The following PRKCA variants were observed in gnomAD, a reference collection of about 807,000 sequenced individuals.
PRKCA encodes protein kinase C alpha type.
In PRKCA, 27 loss-of-function variants were observed where a neutral mutation model predicts 87.0. That is an observed-to-expected ratio of 0.31 (90% confidence interval 0.23 to 0.43). PRKCA has a LOEUF of 0.43. Among genes scored for constraint, PRKCA ranks in the 20% least tolerant of loss-of-function variants. The pLI is 1.00. For synonymous variants in PRKCA, 329 were observed against 311.1 expected (o/e 1.06, Z -0.61); for missense variants, 518 against 852.3 (o/e 0.61, Z 4.88).
At chr17:66,410,207 AT>A (rs34604742) in intron 2 of PRKCA, among the ~76,000 whole-genome samples, 59 of 149,124 alleles carry the variant, frequency 4.0e-4, no homozygotes, top group African/African-American at 1.1e-3. Flanking sequence ...ACCAACAGAG[AT>A]TTTTTTTTTT....
At chr17:66,422,025 C>T (rs574788203) in intron 2 of PRKCA, among the ~76,000 whole-genome samples, 2 of 152,140 alleles carry the variant, frequency 1.3e-5, no homozygotes, top group Admixed American at 1.3e-4. Flanking sequence ...GAGCTTCTCT[C>T]CTTGCCTCGT....
In PRKCA at chr17:66,314,021, A is replaced by G. The variant is rs76042285; in HGVS notation, c.205+7894A>G. On this transcript the variant is annotated intron_variant, in intron 2 of 16. Coordinates refer to ENST00000413366, the MANE Select transcript of PRKCA (RefSeq NM_002737.3). ...ATATTTTATATGCTTTCATTCCAAA[A>G]GCACCCCATAACAGGATGTTATCCC... Among the ~76,000 whole-genome samples the G allele has an allele frequency of 2.8e-3, 432 of 152,328 alleles. 18 individuals are homozygous for G. The East Asian group carries it at 0.078, about 28-fold the overall frequency.
intron 2 of PRKCA, among the ~76,000 whole-genome samples, chr17:66,337,189 G>A (rs1166278352): frequency 6.6e-6 from 1 of 152,126 alleles, no homozygotes; most frequent in Non-Finnish European, 1.5e-5. Context: ...ATAGGAAGGG[G>A]GCAGGCAGGG....
intron 3 of PRKCA, among the ~76,000 whole-genome samples, chr17:66,586,249 ATGT>A (rs1013073694): frequency 9.2e-5 from 14 of 152,112 alleles, no homozygotes; most frequent in African/African-American, 3.1e-4. Context: ...ACCCCCAGAA[ATGT>A]TGTGAAAGTG....
chr17:66,612,306 A>G (rs973488955), intron 3 of PRKCA, among the ~76,000 whole-genome samples: 2 of 147,122 alleles, frequency 1.4e-5, no homozygotes, highest in Admixed American at 7.0e-5. Context: ...GCTTGAACCC[A>G]GGAGATGGAG....
chr17:66,501,611 C>A (rs1332674904), intron 3 of PRKCA, among the ~76,000 whole-genome samples: 1 of 152,162 alleles, frequency 6.6e-6, no homozygotes. Flanking sequence ...GTTGGGAAGG[C>A]ACTTTGAATT....
chr17:66,574,461 A>G (rs1969168379), intron 3 of PRKCA, among the ~76,000 whole-genome samples: 1 of 152,208 alleles, frequency 6.6e-6, no homozygotes, highest in Non-Finnish European at 1.5e-5. Flanking sequence ...TAATATGCAA[A>G]GCACTTAGAA....
chr17:66,783,273 G>A (rs1975285909), intron 14 of PRKCA, among the ~76,000 whole-genome samples: 1 of 152,188 alleles, frequency 6.6e-6, no homozygotes, highest in Non-Finnish European at 1.5e-5. Context: ...TTCACATTGA[G>A]TTAAACAGCT....
chr17:66,670,046 T>G (rs544260659), intron 5 of PRKCA, among the ~76,000 whole-genome samples: 3 of 152,308 alleles, frequency 2.0e-5, no homozygotes, highest in East Asian at 3.9e-4. Flanking sequence ...TTTTAAGAGA[T>G]AAGAAAACAT....
At chr17:66,459,395 A>G (rs1460356291) in intron 2 of PRKCA, among the ~76,000 whole-genome samples, 1 of 152,192 alleles carries the variant, frequency 6.6e-6, no homozygotes, top group Non-Finnish European at 1.5e-5. Flanking sequence ...AACAAAACAC[A>G]TGATGAATAC....
intron 5 of PRKCA, among the ~76,000 whole-genome samples, chr17:66,682,027 C>T (rs1972508233): frequency 6.6e-6 from 1 of 152,226 alleles, no homozygotes; most frequent in Admixed American, 6.5e-5. Flanking sequence ...CTTAGATTCT[C>T]CAATCCGGCT....
chr17:66,380,300 A>G (rs1909707921), intron 2 of PRKCA, among the ~76,000 whole-genome samples: 1 of 151,892 alleles, frequency 6.6e-6, no homozygotes, highest in South Asian at 2.1e-4. Context: ...ATATGTTCGG[A>G]TGTGTAGGTA....
At chr17:66,381,582 A>G (rs1418421454) in intron 2 of PRKCA, among the ~76,000 whole-genome samples, 2 of 152,230 alleles carry the variant, frequency 1.3e-5, no homozygotes, top group Non-Finnish European at 2.9e-5. Flanking sequence ...TTTGGACTTC[A>G]TTCCATATCT....
intron 2 of PRKCA, among the ~76,000 whole-genome samples, chr17:66,369,139 G>T (rs950688482): frequency 6.6e-6 from 1 of 152,216 alleles, no homozygotes; most frequent in East Asian, 1.9e-4. Context: ...AATTCAGCTT[G>T]TGTTGATCAG....
At chr17:66,719,280 G>C (rs1973555260) in intron 8 of PRKCA, among the ~76,000 whole-genome samples, 1 of 152,160 alleles carries the variant, frequency 6.6e-6, no homozygotes, top group Non-Finnish European at 1.5e-5. Flanking sequence ...TGTGGCAGAA[G>C]AGTGCTTATA....
chr17:66,767,849 A>G (rs1178898425), intron 13 of PRKCA, among the ~76,000 whole-genome samples: 1 of 152,154 alleles, frequency 6.6e-6, no homozygotes, highest in Non-Finnish European at 1.5e-5. Flanking sequence ...AGGGGAGCAC[A>G]TGGGCTGTTT....
rs78017497 is a variant in PRKCA at position 66,651,140 on chromosome 17, C to T, written c.529+5629C>T. 9.5e-3 allele frequency among the ~76,000 whole-genome samples: 1,448 copies of T among 152,154 alleles called. 11 individuals are homozygous for T. Among genetic ancestry groups the T allele is most frequent in the Non-Finnish European group, 0.015 (996 of 68,002 alleles). On this transcript the variant is annotated intron_variant, in intron 5 of 16. Coordinates refer to ENST00000413366, the MANE Select transcript of PRKCA (RefSeq NM_002737.3). ...GACAGGGAAGGAAGAAGAGGGCATT[C>T]CAGGCAAAGATGCAGAGTGTGTTCA...
intron 3 of PRKCA, among the ~76,000 whole-genome samples, chr17:66,517,385 TG>T (rs1411064659): frequency 6.6e-6 from 1 of 152,172 alleles, no homozygotes; most frequent in Non-Finnish European, 1.5e-5. Context: ...CCAATTCAGT[TG>T]TTTCTCTTCC....
chr17:66,762,636 C>G (rs1180727519), intron 13 of PRKCA, among the ~76,000 whole-genome samples: 1 of 152,194 alleles, frequency 6.6e-6, no homozygotes, highest in Non-Finnish European at 1.5e-5. Context: ...TTATGACGCT[C>G]TGGTCTCTGT....
Sources: allele counts gnomAD v4.1 joint callset (sites outside exome capture counted in the v4.1 genomes callset), GRCh38; gene constraint gnomAD v4.1.1; transcripts MANE v1.5; gene names NCBI Gene and HGNC (gene_info 2026-07-23, HGNC 2026-07-21).